Variants in KCNIP4 observed in about 807,000 individuals in gnomAD.
The protein encoded by KCNIP4 is potassium voltage-gated channel interacting protein 4, also known as Kv channel-interacting protein 4.
A neutral mutation model predicts 34.0 loss-of-function variants in KCNIP4; 12 were observed. The ratio of observed to expected loss-of-function variants is 0.35; its 90% CI spans 0.23 to 0.57. KCNIP4 has a LOEUF of 0.57. Among genes scored for constraint, KCNIP4 ranks in the 20% least tolerant of loss-of-function variants. KCNIP4 has a pLI of 0.83. For missense variants in KCNIP4, 238 were observed against 311.7 expected, an observed-to-expected ratio of 0.76 and a Z score of 1.78; for synonymous variants, 124 against 102.2, an observed-to-expected ratio of 1.21 and a Z score of -1.29.
At chr4:20,740,846 C>T (rs918581464) in intron 5 of KCNIP4, among the ~76,000 whole-genome samples, 2 of 152,000 alleles carry the variant, frequency 1.3e-5, no homozygotes, top group Non-Finnish European at 2.9e-5. Flanking sequence ...CAGAGACAAA[C>T]ATAGGCTCAA....
At chr4:21,601,702 T>G (rs1743176889) in intron 1 of KCNIP4, among the ~76,000 whole-genome samples, 1 of 151,960 alleles carries the variant, frequency 6.6e-6, no homozygotes, top group Non-Finnish European at 1.5e-5. Flanking sequence ...TCTCCTTCCA[T>G]CCTCCCACTC....
rs112587893 is a variant in KCNIP4, at chr4:21,857,669, A to G, written c.61+90902T>C. 7.9e-3 allele frequency among the ~76,000 whole-genome samples: 1,207 copies of G among 152,322 alleles called. 16 individuals carry two copies. Among genetic ancestry groups the G allele is most frequent in the African/African-American group, 0.027 (1,141 of 41,570 alleles). On this transcript the variant is annotated intron_variant, in intron 1 of 8. Coordinates refer to ENST00000382152, the MANE Select transcript of KCNIP4 (RefSeq NM_025221.6). The stretch of plus-strand genomic sequence containing the variant: ...CTCCTCTGAGCTGTTTTATAACTCA[A>G]TAAAGCTCCTCTTTGCCTTGCTCAC...
intron 1 of KCNIP4, among the ~76,000 whole-genome samples, chr4:21,309,500 C>T (rs1329445323): frequency 6.6e-6 from 1 of 152,120 alleles, no homozygotes; most frequent in Non-Finnish European, 1.5e-5. Flanking sequence ...AAAAATATAT[C>T]CTTAGTCTTC....
At position 21,246,808 on chromosome 4, in the gene KCNIP4, T is replaced by G. The variant is rs146849166; in HGVS notation, c.62-364099A>C. On this transcript the variant is annotated intron_variant, in intron 1 of 8. Transcript: ENST00000382152. ...AAATTAGTTCTTCAGAAAATAAGAA[T>G]GTAAAATTGGACCTAATTTTTCTTT... Among the ~76,000 whole-genome samples the G allele has an allele frequency of 6.0e-3, 908 of 152,332 alleles. 12 individuals are homozygous for G. The highest frequency in any genetic ancestry group is 0.02 in the African/African-American group (822 of 41,586).
intron 1 of KCNIP4, among the ~76,000 whole-genome samples, chr4:21,031,951 A>G (rs1350050637): frequency 6.6e-6 from 1 of 152,222 alleles, no homozygotes; most frequent in Non-Finnish European, 1.5e-5. Context: ...ACAAAAGACA[A>G]TATGTAAATG....
At chr4:20,768,949 C>T (rs1755639057) in intron 3 of KCNIP4, among the ~76,000 whole-genome samples, 1 of 151,988 alleles carries the variant, frequency 6.6e-6, no homozygotes, top group South Asian at 2.1e-4. Context: ...ACATTCTGAG[C>T]CCCACGAGTT....
At chr4:21,400,897 G>A (rs1013692960) in intron 1 of KCNIP4, among the ~76,000 whole-genome samples, 3 of 152,030 alleles carry the variant, frequency 2.0e-5, no homozygotes, top group South Asian at 4.1e-4. Flanking sequence ...ATGGTTGCTC[G>A]TGCCTGTAAT....
At chr4:21,647,935 G>T (rs7665016) in intron 1 of KCNIP4, among the ~76,000 whole-genome samples, 39,422 of 141,630 alleles carry the variant, frequency 0.28, 6,901 homozygotes, top group East Asian at 0.9. Flanking sequence ...GTGCAGTGGC[G>T]TGATCTCGGC....
chr4:21,765,552 G>T (rs1718352161), intron 1 of KCNIP4, among the ~76,000 whole-genome samples: 1 of 151,994 alleles, frequency 6.6e-6, no homozygotes, highest in Non-Finnish European at 1.5e-5. Context: ...GGAGGGACAT[G>T]GAATCAGGAT....
intron 3 of KCNIP4, among the ~76,000 whole-genome samples, chr4:20,791,593 A>G (rs1712763933): frequency 6.6e-6 from 1 of 152,182 alleles, no homozygotes; most frequent in Non-Finnish European, 1.5e-5. Flanking sequence ...ATTTAATGAC[A>G]GACTGTGAAA....
chr4:21,017,780 A>G (rs1166844285), intron 1 of KCNIP4, among the ~76,000 whole-genome samples: 1 of 152,096 alleles, frequency 6.6e-6, no homozygotes, highest in Non-Finnish European at 1.5e-5. Flanking sequence ...GTCTTCTATG[A>G]TGGTTGAACT....
intron 1 of KCNIP4, among the ~76,000 whole-genome samples, chr4:21,505,857 C>G (rs1023849597): frequency 6.6e-6 from 1 of 152,168 alleles, no homozygotes; most frequent in Non-Finnish European, 1.5e-5. Flanking sequence ...AATCCCAGCA[C>G]TTTGGGAGAC....
At chr4:21,245,477 A>C (rs1283268538) in intron 1 of KCNIP4, among the ~76,000 whole-genome samples, 1 of 152,160 alleles carries the variant, frequency 6.6e-6, no homozygotes, top group Non-Finnish European at 1.5e-5. Flanking sequence ...TTTTTACTCA[A>C]ACTTTTGTAT....
intron 1 of KCNIP4, among the ~76,000 whole-genome samples, chr4:20,933,835 A>T (rs1007909113): frequency 2.0e-5 from 3 of 152,154 alleles, no homozygotes; most frequent in Non-Finnish European, 4.4e-5. Context: ...TGGTTTATTC[A>T]GGGTCTCTTG....
At chr4:21,801,244 T>C (rs949727561) in intron 1 of KCNIP4, among the ~76,000 whole-genome samples, 6 of 152,214 alleles carry the variant, frequency 3.9e-5, no homozygotes, top group Non-Finnish European at 7.3e-5. Context: ...TTTAAATTTA[T>C]GTTAAAATCG....
At chr4:21,102,551 A>G (rs1379062293) in intron 1 of KCNIP4, among the ~76,000 whole-genome samples, 1 of 152,138 alleles carries the variant, frequency 6.6e-6, no homozygotes, top group African/African-American at 2.4e-5. Flanking sequence ...ATAAATTAGG[A>G]AGTTTTCAGC....
chr4:21,190,088 C>T (rs903099798), intron 1 of KCNIP4, among the ~76,000 whole-genome samples: 6 of 152,238 alleles, frequency 3.9e-5, no homozygotes, highest in East Asian at 3.9e-4. Flanking sequence ...TGTTGATGGC[C>T]GTGGCCATTT....
chr4:21,276,578 T>C (rs1672373587), intron 1 of KCNIP4, among the ~76,000 whole-genome samples: 1 of 152,120 alleles, frequency 6.6e-6, no homozygotes, highest in Non-Finnish European at 1.5e-5. Context: ...TGCTTTGAGT[T>C]TGAAGTTGTT....
At chr4:21,364,688 A>T (rs1719557531) in intron 1 of KCNIP4, among the ~76,000 whole-genome samples, 1 of 152,268 alleles carries the variant, frequency 6.6e-6, no homozygotes, top group South Asian at 2.1e-4. Context: ...ATATCAGAAA[A>T]AGCTAAAGGA....
Sources: allele counts gnomAD v4.1 joint callset (sites outside exome capture counted in the v4.1 genomes callset), GRCh38; gene constraint gnomAD v4.1.1; transcripts MANE v1.5; gene names NCBI Gene and HGNC (gene_info 2026-07-23, HGNC 2026-07-21).